Variants in EFHC2 observed in about 807,000 individuals in gnomAD.
EFHC2 encodes the protein EF-hand domain containing 2, also known as EF-hand domain-containing family member C2.
In EFHC2, 18 loss-of-function variants were observed where a neutral mutation model predicts 52.7. The ratio of observed to expected loss-of-function variants is 0.34; its 90% confidence interval spans 0.24 to 0.51. The LOEUF (loss-of-function observed/expected upper bound fraction) is 0.51, where lower values mean the gene tolerates loss of function less well. Among genes scored for constraint, EFHC2 ranks in the 20% least tolerant of loss-of-function variants. The probability of loss-of-function intolerance (pLI) is 0.97; values close to 1 mark genes in which losing one functional copy is unlikely to be tolerated. For synonymous variants in EFHC2, 203 were observed against 204.1 expected (o/e 0.99, Z 0.04); for missense variants, 513 against 562.5 (o/e 0.91, Z 0.89).
rs1438054222 is a variant in EFHC2 at position 44,242,117 on chromosome X, G to C, written c.1280+4C>G. ...CAGACTAAAATCATGGTTCCCTCAAGCACCTGTCTTTTTCCATAAACTTCT... is the reference window on the plus strand; with the variant it reads ...CAGACTAAAATCATGGTTCCCTCAACCACCTGTCTTTTTCCATAAACTTCT... On this transcript the variant is annotated splice_donor_region_variant and intron_variant, in intron 8 of 14. Coordinates refer to ENST00000420999, the MANE Select transcript of EFHC2 (RefSeq NM_025184.4). The C allele has an allele frequency of 8.5e-7, 1 of 1,183,307 alleles. No individual in the cohort carries two copies. Among genetic ancestry groups the C allele is most frequent in the Non-Finnish European group, 1.1e-6 (1 of 882,779 alleles).
intron 4 of EFHC2, among the ~76,000 whole-genome samples, chrX:44,253,005 C>T (rs1486146447): frequency 2.7e-5 from 3 of 111,085 alleles, no homozygotes; most frequent in East Asian, 5.7e-4. Context: ...GGTGGGGCAT[C>T]GCCTCACCCG....
chrX:44,317,416 A>G (rs976934111), intron 1 of EFHC2, among the ~76,000 whole-genome samples: 2 of 112,743 alleles, frequency 1.8e-5, no homozygotes, highest in Non-Finnish European at 3.7e-5. Context: ...TCATTTCTCC[A>G]AAGAAGATAT....
At chrX:44,189,331 C>T (rs1452461203) in intron 11 of EFHC2, among the ~76,000 whole-genome samples, 1 of 111,395 alleles carries the variant, frequency 9.0e-6, no homozygotes, top group Non-Finnish European at 1.9e-5. Flanking sequence ...AACTAAGGCC[C>T]AGAGAGCTTT....
chrX:44,232,737 C>T, intron 9 of EFHC2, 60 bp from the exon 10 acceptor site: 1 of 1,039,529 alleles, frequency 9.6e-7, no homozygotes. Context: ...ACGTGACTTG[C>T]CTTCAGAGTT....
In EFHC2 at chrX:44,148,016, C is replaced by T. The variant is rs1022799492; in HGVS notation, c.*779G>A. ...ATATTTAAACCTCTAGGGTGGGGCG[C>T]GTGGGATGTGTGTGTAAAACAAACC... On this transcript the variant is annotated 3_prime_UTR_variant, in exon 15 of 15. Transcript: ENST00000420999. 2 of 108,629 alleles carry T rather than the reference C, an allele frequency of 1.8e-5. No individual in the cohort carries two copies. Among genetic ancestry groups the T allele is most frequent in the African/African-American group, 3.4e-5 (1 of 29,760 alleles). The allele number at this position is 108,629 out of a possible 1,213,427, so 9.0% of individuals were successfully genotyped here.
At chrX:44,327,491 A>G (rs2038060165) in intron 1 of EFHC2, among the ~76,000 whole-genome samples, 1 of 112,151 alleles carries the variant, frequency 8.9e-6, no homozygotes, top group African/African-American at 3.2e-5. Flanking sequence ...TAAAACTATC[A>G]TTCTTAGATA....
At chrX:44,242,403 T>A (rs1047557522) in intron 7 of EFHC2, 114 bp from the exon 8 acceptor site, 12 of 849,267 alleles carry the variant, frequency 1.4e-5, no homozygotes, top group Non-Finnish European at 1.9e-5. Context: ...GTAGACTATT[T>A]TAAACTCTTT....
At chrX:44,149,271 T>C (rs1321744795) in intron 14 of EFHC2, among the ~76,000 whole-genome samples, 1 of 111,965 alleles carries the variant, frequency 8.9e-6, no homozygotes, top group East Asian at 2.8e-4. Flanking sequence ...GCCATCACCA[T>C]GAAAAGAACA....
At chrX:44,168,103 CA>C (rs751671906) in intron 13 of EFHC2, among the ~76,000 whole-genome samples, 46 of 111,567 alleles carry the variant, frequency 4.1e-4, no homozygotes, top group Admixed American at 8.5e-4. Context: ...ATGTCCCTGT[CA>C]GTGGGGAGAG....
intron 11 of EFHC2, among the ~76,000 whole-genome samples, chrX:44,195,444 G>T (rs779529324): frequency 9.1e-6 from 1 of 109,396 alleles, no homozygotes; most frequent in Non-Finnish European, 1.9e-5. Flanking sequence ...TTGCTGTTTT[G>T]TTTTTTTGTT....
intron 2 of EFHC2, among the ~76,000 whole-genome samples, chrX:44,305,201 G>T (rs947458934): frequency 9.0e-6 from 1 of 110,989 alleles, no homozygotes; most frequent in African/African-American, 3.3e-5. Flanking sequence ...GGCGGAGGTT[G>T]CAGTGAGCCA....
chrX:44,238,989 G>A (rs1394893713), intron 8 of EFHC2, among the ~76,000 whole-genome samples: 1 of 111,470 alleles, frequency 9.0e-6, no homozygotes, highest in Non-Finnish European at 1.9e-5. Flanking sequence ...ACACAGCAGG[G>A]ATTCAAGAAC....
At chrX:44,158,848 C>A (rs1311773689) in intron 14 of EFHC2, among the ~76,000 whole-genome samples, 1 of 111,948 alleles carries the variant, frequency 8.9e-6, no homozygotes, top group Non-Finnish European at 1.9e-5. Flanking sequence ...GAACAGTCAA[C>A]AGGGGCTTCA....
intron 11 of EFHC2, among the ~76,000 whole-genome samples, chrX:44,187,428 A>G (rs987217298): frequency 1.8e-5 from 2 of 110,453 alleles, no homozygotes; most frequent in Non-Finnish European, 3.8e-5. Flanking sequence ...GCTAAACCAT[A>G]CTTCTGTTAC....
At chrX:44,192,379 G>A (rs1435927031) in intron 11 of EFHC2, among the ~76,000 whole-genome samples, 1 of 111,419 alleles carries the variant, frequency 9.0e-6, no homozygotes, top group Non-Finnish European at 1.9e-5. Context: ...TTGGGTTTTA[G>A]GGCATTGGTT....
At chrX:44,208,204 C>G (rs1474797864) in intron 11 of EFHC2, among the ~76,000 whole-genome samples, 1 of 111,943 alleles carries the variant, frequency 8.9e-6, no homozygotes, top group Non-Finnish European at 1.9e-5. Flanking sequence ...TTGATGGGCA[C>G]CTAGGTTGAT....
chrX:44,169,272 T>A, intron 13 of EFHC2, among the ~76,000 whole-genome samples: 1 of 110,460 alleles, frequency 9.1e-6, no homozygotes, highest in East Asian at 2.8e-4. Flanking sequence ...TCTTTCTATT[T>A]ATTATTTATT....
chrX:44,152,040 A>G (rs955332735), intron 14 of EFHC2, among the ~76,000 whole-genome samples: 2 of 112,053 alleles, frequency 1.8e-5, no homozygotes, highest in African/African-American at 6.5e-5. Context: ...ATTCAGGTGT[A>G]AAACCTTAAT....
chrX:44,319,417 C>T (rs2038003726), intron 1 of EFHC2, among the ~76,000 whole-genome samples: 1 of 111,637 alleles, frequency 9.0e-6, no homozygotes, highest in African/African-American at 3.3e-5. Flanking sequence ...TGTCTCTGCA[C>T]ACAAACACCC....
Sources: gnomAD v4.1 joint callset for allele counts (sites outside exome capture counted in the v4.1 genomes callset) on GRCh38, gnomAD v4.1.1 for gene constraint, MANE v1.5 for transcripts, NCBI Gene and HGNC (gene_info 2026-07-23, HGNC 2026-07-21) for gene names.